Variants in UBXN7 observed in about 807,000 individuals in gnomAD.
UBXN7 encodes UBX domain protein 7, also known as UBX domain-containing protein 7.
Under a neutral mutation model 58.0 loss-of-function variants are expected in UBXN7, and 9 were observed. The ratio of observed to expected loss-of-function variants is 0.16; its 90% confidence interval spans 0.09 to 0.27. The LOEUF (loss-of-function observed/expected upper bound fraction) is 0.27. Ranked by LOEUF, UBXN7 falls within the 10% of genes least tolerant of loss-of-function variation. The probability of loss-of-function intolerance (pLI) is 1.00; values close to 1 mark genes in which losing one functional copy is unlikely to be tolerated. For synonymous variants in UBXN7, 208 were observed against 205.0 expected, an observed-to-expected ratio of 1.01 and a Z score of -0.12; for missense variants, 328 against 599.6, an observed-to-expected ratio of 0.55 and a Z score of 4.73.
chr3:196,399,690 T>C (rs1729897893), intron 3 of UBXN7, among the ~76,000 whole-genome samples: 1 of 152,190 alleles, frequency 6.6e-6, no homozygotes, highest in South Asian at 2.1e-4. Context: ...TCTGTTCAAC[T>C]GTGGCCTCCC....
rs756804685 is a variant in UBXN7, at chr3:196,356,747, T to C, written c.1408A>G (p.Ile470Val). ...RRKLSHLDYD[I>V]TLQEAGLCPQ... ...CAAAGGCCTGCCTCTTGCAATGTAA[T>C]ATCATAGTCCAGATGAGATAATTTC... Residue 470 changes from isoleucine (I) to valine (V), a missense_variant, in exon 11 of 11, where the codon ATT becomes GTT. Ile to Val is a conservative substitution (Grantham distance 29). This residue lies in a region of UBXN7 where 30 missense variants were observed against 94.8 expected (regional missense o/e 0.32). Coordinates refer to ENST00000296328, the MANE Select transcript of UBXN7 (RefSeq NM_015562.2). The C allele has an allele frequency of 1.2e-6, 2 of 1,612,900 alleles. No individual in the cohort carries two copies. The highest frequency in any genetic ancestry group is 1.3e-5 in the African/African-American group (1 of 74,950).
intron 1 of UBXN7, among the ~76,000 whole-genome samples, chr3:196,410,640 G>A (rs1374935003): frequency 2.0e-5 from 3 of 152,096 alleles, no homozygotes; most frequent in Non-Finnish European, 4.4e-5. Context: ...TGGCCAAGAT[G>A]GTGAAACCCC....
chr3:196,364,106 T>A (rs1414277145), intron 8 of UBXN7, among the ~76,000 whole-genome samples: 1 of 152,192 alleles, frequency 6.6e-6, no homozygotes, highest in African/African-American at 2.4e-5. Flanking sequence ...TTCCATTAAT[T>A]ACAATGAAGG....
intron 5 of UBXN7, among the ~76,000 whole-genome samples, chr3:196,391,518 C>A (rs150773702): frequency 6.2e-4 from 94 of 152,068 alleles, no homozygotes; most frequent in African/African-American, 2.1e-3. Flanking sequence ...ATTGCTTGAA[C>A]CTAGGCATTC....
intron 5 of UBXN7, among the ~76,000 whole-genome samples, chr3:196,380,484 GCTA>G (rs1471963390): frequency 1.3e-5 from 2 of 152,188 alleles, no homozygotes; most frequent in African/African-American, 4.8e-5. Flanking sequence ...TCTTGCTTAA[GCTA>G]CTGTTTGTTT....
At chr3:196,363,396 C>A (rs571965629) in intron 8 of UBXN7, among the ~76,000 whole-genome samples, 1 of 151,844 alleles carries the variant, frequency 6.6e-6, no homozygotes, top group South Asian at 2.1e-4. Context: ...GTGGCTCATG[C>A]CTGTAATCCC....
At chr3:196,368,668 T>C (rs1029843463) in intron 7 of UBXN7, among the ~76,000 whole-genome samples, 4 of 152,196 alleles carry the variant, frequency 2.6e-5, no homozygotes, top group Admixed American at 2.6e-4. Flanking sequence ...TCTGCTGCTA[T>C]CACTTACTGC....
intron 5 of UBXN7, among the ~76,000 whole-genome samples, chr3:196,376,246 A>G (rs760803045): frequency 4.6e-5 from 7 of 152,136 alleles, no homozygotes; most frequent in Admixed American, 6.5e-5. Context: ...GTTTAATCAG[A>G]AAAATGTTAT....
chr3:196,432,167 C>T (rs1429149846), intron 1 of UBXN7, 160 bp downstream of exon 1: 2 of 1,000,764 alleles, frequency 2.0e-6, no homozygotes, highest in South Asian at 1.4e-5. Flanking sequence ...CGCCTGAACC[C>T]GGAGACCCCG....
chr3:196,412,983 G>A (rs929014055), intron 1 of UBXN7, among the ~76,000 whole-genome samples: 2 of 152,114 alleles, frequency 1.3e-5, no homozygotes, highest in Non-Finnish European at 2.9e-5. Flanking sequence ...GAGTTATAGA[G>A]AGGGACGGTG....
chr3:196,393,503 T>A, intron 4 of UBXN7, 51 bp downstream of exon 4: 2 of 1,545,634 alleles, frequency 1.3e-6, no homozygotes, highest in Non-Finnish European at 1.8e-6. Context: ...ATCTTTGTCT[T>A]TTTAATAGGA....
intron 1 of UBXN7, among the ~76,000 whole-genome samples, chr3:196,410,122 T>C (rs1730280369): frequency 6.6e-6 from 1 of 151,978 alleles, no homozygotes; most frequent in African/African-American, 2.4e-5. Context: ...CTATTTTTAG[T>C]AAAGACAGGG....
intron 2 of UBXN7, among the ~76,000 whole-genome samples, chr3:196,403,276 G>C (rs1730049737): frequency 6.6e-6 from 1 of 152,068 alleles, no homozygotes; most frequent in African/African-American, 2.4e-5. Context: ...TAGTGCCTCA[G>C]CCTCCCTAGC....
intron 1 of UBXN7, among the ~76,000 whole-genome samples, chr3:196,411,911 A>G (rs1001972446): frequency 3.3e-5 from 5 of 152,094 alleles, no homozygotes; most frequent in Non-Finnish European, 5.9e-5. Flanking sequence ...AACCAAATAA[A>G]CTCATTTCAT....
At chr3:196,399,416 G>T (rs1729887739) in intron 3 of UBXN7, among the ~76,000 whole-genome samples, 1 of 151,992 alleles carries the variant, frequency 6.6e-6, no homozygotes, top group Non-Finnish European at 1.5e-5. Flanking sequence ...GAGATTACAG[G>T]TGTAAGCCAC....
rs200676380 is a variant in UBXN7, at chr3:196,396,718, G to A, written c.290-3099C>T. Among the ~76,000 whole-genome samples the A allele has an allele frequency of 1.1e-4, 16 of 152,096 alleles. No individual in the cohort carries two copies. In the East Asian group the frequency reaches 2.5e-3, roughly 24 times the overall value. ...GTGGAGCTTGCAGTGAGCTGAGATC[G>A]CACCACTGCACTCCAGCCTGGGCCA... On this transcript the variant is annotated intron_variant, in intron 3 of 10. Transcript: ENST00000296328.
intron 10 of UBXN7, among the ~76,000 whole-genome samples, chr3:196,358,142 C>T (rs13317091): frequency 0.016 from 2,386 of 152,186 alleles, 60 homozygotes; most frequent in African/African-American, 0.055. Context: ...GAACCACGTG[C>T]GAGCTGAGGA....
In UBXN7 at chr3:196,401,542, G is replaced by A. The variant is rs184929649; in HGVS notation, c.289+1410C>T. 1.4e-3 allele frequency among the ~76,000 whole-genome samples: 206 copies of A among 149,978 alleles called. 1 individual carries two copies. The highest frequency in any genetic ancestry group is 5.5e-4 in the Non-Finnish European group (37 of 67,616). On this transcript the variant is annotated intron_variant, in intron 3 of 10. Coordinates refer to ENST00000296328, the MANE Select transcript of UBXN7 (RefSeq NM_015562.2). ...ATGCAGGAACAGAAAGCCAAATACC[G>A]GACGTTCTCATAAGAGAGAGCTGAG...
At chr3:196,393,799 G>C (rs1017334391) in intron 3 of UBXN7, 180 bp from the exon 4 acceptor site, 4 of 468,690 alleles carry the variant, frequency 8.5e-6, no homozygotes, top group African/African-American at 5.9e-5. Context: ...TAAATGTGCT[G>C]CCGCAGCGAG....
Sources: gnomAD v4.1 joint callset for allele counts (sites outside exome capture counted in the v4.1 genomes callset) on GRCh38, gnomAD v4.1.1 for gene constraint, gnomAD v4.1.1 regional missense constraint, MANE v1.5 for transcripts, NCBI Gene and HGNC (gene_info 2026-07-23, HGNC 2026-07-21) for gene names.